Variants in ITPR2 observed in about 807,000 individuals in gnomAD.
ITPR2 encodes the protein inositol 1,4,5-trisphosphate-gated calcium channel ITPR2.
Under a neutral mutation model 317.1 loss-of-function variants are expected in ITPR2, and 207 were observed. The ratio of observed to expected loss-of-function variants is 0.65; its 90% CI spans 0.58 to 0.73. The LOEUF is 0.73. Among genes scored for constraint, ITPR2 ranks in the 30% least tolerant of loss-of-function variants. The pLI is 0.00. For synonymous variants in ITPR2, 1,156 were observed against 1,149.1 expected (o/e 1.01, Z -0.12); for missense variants, 2,613 against 3,284.0 (o/e 0.80, Z 4.99).
chr12:26,798,531 T>C (rs61920591), intron 1 of ITPR2, among the ~76,000 whole-genome samples: 24,494 of 152,242 alleles, frequency 0.16, 2,704 homozygotes, highest in Non-Finnish European at 0.24. Context: ...TTCCATTCAT[T>C]CACCGTAGTC....
chr12:26,790,586 T>TACACACACACACAC (rs10527860), intron 1 of ITPR2, among the ~76,000 whole-genome samples: 9,928 of 147,674 alleles, frequency 0.067, 348 homozygotes, highest in Middle Eastern at 0.092. Flanking sequence ...CATATATGCT[T>TACACACACACACAC]ACACACACAC....
At chr12:26,598,687 T>C (rs1945914376) in intron 30 of ITPR2, among the ~76,000 whole-genome samples, 1 of 152,182 alleles carries the variant, frequency 6.6e-6, no homozygotes, top group Non-Finnish European at 1.5e-5. Context: ...AAAAAATCAC[T>C]GTTAGGTAGT....
chr12:26,531,364 C>T (rs1467001016), intron 37 of ITPR2, among the ~76,000 whole-genome samples: 1 of 152,174 alleles, frequency 6.6e-6, no homozygotes, highest in Non-Finnish European at 1.5e-5. Flanking sequence ...TTTAACCATT[C>T]ATTTATCACA....
In ITPR2 at chr12:26,742,680, G is replaced by C. The variant is rs374692715; in HGVS notation, c.164-16915C>G. Among the ~76,000 whole-genome samples, 46 of 152,168 alleles carry C rather than the reference G, an allele frequency of 3.0e-4. 1 individual carries two copies. In the East Asian group the frequency reaches 8.1e-3, roughly 27 times the overall value. Reference sequence around the variant, plus strand: ...AATACAAAAATTAGCCGGGAGTGGTGGCGGGTGCCTGTAATCCCAGCTACT... The same window carrying C: ...AATACAAAAATTAGCCGGGAGTGGTCGCGGGTGCCTGTAATCCCAGCTACT... On this transcript the variant is annotated intron_variant, in intron 2 of 56. Transcript: ENST00000381340.
chr12:26,575,870 T>C (rs572155335), intron 34 of ITPR2, among the ~76,000 whole-genome samples: 1 of 152,310 alleles, frequency 6.6e-6, no homozygotes, highest in African/African-American at 2.4e-5. Context: ...CACTTGTGGC[T>C]CCAAGTTCTT....
At chr12:26,448,909 G>A (rs1335742183) in intron 45 of ITPR2, among the ~76,000 whole-genome samples, 1 of 152,034 alleles carries the variant, frequency 6.6e-6, no homozygotes, top group African/African-American at 2.4e-5. Context: ...CAGGGTCTTT[G>A]AGCAACACCA....
chr12:26,472,676 T>C (rs1302565005), intron 45 of ITPR2, among the ~76,000 whole-genome samples: 1 of 152,238 alleles, frequency 6.6e-6, no homozygotes, highest in African/African-American at 2.4e-5. Flanking sequence ...CTTCAAGCGC[T>C]GTAATAAACT....
At chr12:26,566,134 A>G (rs1168383127) in intron 34 of ITPR2, among the ~76,000 whole-genome samples, 1 of 101,612 alleles carries the variant, frequency 9.8e-6, no homozygotes, top group Non-Finnish European at 2.0e-5. Context: ...GGAGAGGGAG[A>G]GGAGGAGAGG....
chr12:26,764,607 T>TA (rs954562451), intron 2 of ITPR2, among the ~76,000 whole-genome samples: 18 of 152,102 alleles, frequency 1.2e-4, no homozygotes, highest in African/African-American at 4.3e-4. Context: ...TCCCAGAACT[T>TA]AAAGTATAAT....
At chr12:26,391,568 T>TC (rs1565501268) in intron 54 of ITPR2, among the ~76,000 whole-genome samples, 2 of 132,454 alleles carry the variant, frequency 1.5e-5, no homozygotes, top group African/African-American at 5.8e-5. Flanking sequence ...TTTTTTTTTT[T>TC]TTTTTTTTTT....
intron 1 of ITPR2, among the ~76,000 whole-genome samples, chr12:26,802,450 C>T (rs1304133263): frequency 6.6e-6 from 1 of 151,908 alleles, no homozygotes; most frequent in African/African-American, 2.4e-5. Context: ...GAGTTCAAGA[C>T]CAGCCTGGGC....
chr12:26,581,400 C>T (rs553712723), intron 32 of ITPR2, among the ~76,000 whole-genome samples: 17 of 152,090 alleles, frequency 1.1e-4, no homozygotes, highest in Non-Finnish European at 1.5e-4. Context: ...CCCTACCTGA[C>T]TTTGTTTTTA....
At chr12:26,630,197 G>A (rs1451282434) in intron 22 of ITPR2, among the ~76,000 whole-genome samples, 1 of 152,122 alleles carries the variant, frequency 6.6e-6, no homozygotes, top group Non-Finnish European at 1.5e-5. Flanking sequence ...ATAAACAAAT[G>A]AAACTAACTT....
intron 37 of ITPR2, among the ~76,000 whole-genome samples, chr12:26,500,943 C>A (rs1943058235): frequency 6.6e-6 from 1 of 152,250 alleles, no homozygotes; most frequent in East Asian, 1.9e-4. Context: ...TCATTCCCAT[C>A]CCCTTAGAAA....
chr12:26,443,479 C>A, intron 46 of ITPR2, 64 bp downstream of exon 46: 1 of 1,296,656 alleles, frequency 7.7e-7, no homozygotes, highest in South Asian at 1.3e-5. Flanking sequence ...TGAAAATGGT[C>A]TAAAATAGGA....
At position 26,337,363 on chromosome 12, in the gene ITPR2, T is replaced by C. The variant is rs1937951630; in HGVS notation, c.*2034A>G. 6.6e-6 allele frequency: 1 copy of C among 152,208 alleles called. No individual in the cohort carries two copies. The highest frequency in any genetic ancestry group is 6.5e-5 in the Admixed American group (1 of 15,276). The allele number at this position is 152,208 out of a possible 1,614,324, so 9.4% of individuals were successfully genotyped here. On this transcript the variant is annotated 3_prime_UTR_variant, in exon 57 of 57. Coordinates refer to ENST00000381340, the MANE Select transcript of ITPR2 (RefSeq NM_002223.4). ...TATTTTGTACTAAAACAGAGATAGG[T>C]TCCTATATTGGAATATGTTCAATAT...
intron 48 of ITPR2, among the ~76,000 whole-genome samples, chr12:26,433,569 C>T (rs1246035438): frequency 2.0e-5 from 3 of 152,064 alleles, no homozygotes; most frequent in East Asian, 3.9e-4. Context: ...ATTCCTTCAA[C>T]TTAACTGTTG....
rs557833975 is a variant in ITPR2, at chr12:26,811,911, C to T, written c.92+20779G>A. On this transcript the variant is annotated intron_variant, in intron 1 of 56. Coordinates refer to ENST00000381340, the MANE Select transcript of ITPR2 (RefSeq NM_002223.4). ...GGGCGTGGTGGCTCAAACCTGTAAT[C>T]CCAGCACTTTGGGAGGCCAAGGGGC... Among the ~76,000 whole-genome samples, 16 of 149,154 alleles carry T rather than the reference C, an allele frequency of 1.1e-4. No individual in the cohort carries two copies. The South Asian group carries it at 3.2e-3, about 30-fold the overall frequency.
rs1016854984 is a variant in ITPR2 at position 26,501,423 on chromosome 12, A to G, written c.5074-6163T>C. On this transcript the variant is annotated intron_variant, in intron 37 of 56. Transcript: ENST00000381340. ...ATAACTCCTTCGGGAGAATATGGTC[A>G]ATCTCCTATAATCTAGCTGTTTAAT... Among the ~76,000 whole-genome samples, 9 of 152,324 alleles carry G rather than the reference A, an allele frequency of 5.9e-5. No homozygotes were observed. The East Asian group carries it at 9.6e-4, about 16-fold the overall frequency.
Sources: gnomAD v4.1 joint callset for allele counts (sites outside exome capture counted in the v4.1 genomes callset) on GRCh38, gnomAD v4.1.1 for gene constraint, MANE v1.5 for transcripts, NCBI Gene and HGNC (gene_info 2026-07-23, HGNC 2026-07-21) for gene names.